Variants in GRB10 observed in about 807,000 individuals in gnomAD.
The protein encoded by GRB10 is growth factor receptor-bound protein 10.
Under a neutral mutation model 80.9 loss-of-function variants are expected in GRB10, and 20 were observed. The ratio of observed to expected loss-of-function variants is 0.25; its 90% CI spans 0.17 to 0.36. The LOEUF is 0.36. Among genes scored for constraint, GRB10 ranks in the 10% least tolerant of loss-of-function variants. GRB10 has a pLI of 1.00. For missense variants in GRB10, 548 were observed against 747.7 expected (o/e 0.73, Z 3.12); for synonymous variants, 291 against 291.5 (o/e 1.00, Z 0.02).
chr7:50,787,033 G>A (rs1392949115), upstream of GRB10, among the ~76,000 whole-genome samples: 4 of 152,206 alleles, frequency 2.6e-5, no homozygotes, highest in Admixed American at 1.3e-4. Flanking sequence ...ACAACTCCAG[G>A]AGAAAACAAA....
chr7:50,732,145 C>T (rs2069878617), intron 4 of GRB10, 127 bp downstream of exon 4: 1 of 929,008 alleles, frequency 1.1e-6, no homozygotes, highest in Admixed American at 1.7e-5. Context: ...TTGTCACCAG[C>T]CCCTGCTCCA....
chr7:50,663,028 G>A (rs1469863636), intron 7 of GRB10, among the ~76,000 whole-genome samples: 1 of 152,180 alleles, frequency 6.6e-6, no homozygotes, highest in Non-Finnish European at 1.5e-5. Flanking sequence ...GTTATCCCTT[G>A]ACTTAAAACA....
At chr7:50,699,055 CTTTTTA>C (rs752598864) in intron 5 of GRB10, among the ~76,000 whole-genome samples, 4 of 152,090 alleles carry the variant, frequency 2.6e-5, no homozygotes, top group Non-Finnish European at 5.9e-5. Flanking sequence ...AGTGGGATTT[CTTTTTA>C]TATTACATTT....
chr7:50,700,431 TG>T (rs2064020646), intron 5 of GRB10, among the ~76,000 whole-genome samples: 1 of 152,232 alleles, frequency 6.6e-6, no homozygotes, highest in South Asian at 2.1e-4. Flanking sequence ...CCTGAGTGTC[TG>T]TGCTACAGGT....
intron 6 of GRB10, 92 bp from the exon 7 acceptor site, chr7:50,669,955 C>T (rs1169649537): frequency 9.5e-6 from 14 of 1,478,642 alleles, no homozygotes; most frequent in African/African-American, 1.4e-5. Context: ...AAGCAGGACA[C>T]AGGGCTTCTA....
chr7:50,689,714 T>A (rs1008089893), intron 5 of GRB10, among the ~76,000 whole-genome samples: 1 of 152,016 alleles, frequency 6.6e-6, no homozygotes, highest in Non-Finnish European at 1.5e-5. Context: ...TAATTCATAG[T>A]GGGGAATATA....
intron 7 of GRB10, among the ~76,000 whole-genome samples, chr7:50,661,490 G>C (rs538024037): frequency 6.6e-6 from 1 of 152,174 alleles, no homozygotes. Context: ...GGAAAGTGTG[G>C]CCTGTCAAAG....
intron 1 of GRB10, among the ~76,000 whole-genome samples, chr7:50,791,677 T>C (rs2078921192): frequency 6.6e-6 from 1 of 152,248 alleles, no homozygotes; most frequent in Non-Finnish European, 1.5e-5. Flanking sequence ...GAGCAATGCC[T>C]GCTGGGCGTG....
In GRB10 at chr7:50,712,139, C is replaced by A. The variant is rs145800360; in HGVS notation, c.52-8231G>T. Among the ~76,000 whole-genome samples, 65 of 152,228 alleles carry A rather than the reference C, an allele frequency of 4.3e-4. No individual in the cohort carries two copies. The East Asian group carries it at 0.01, about 23-fold the overall frequency. On this transcript the variant is annotated intron_variant, in intron 4 of 18. Transcript: ENST00000401949. ...ACATTAGTGAACTTGGTAAAAGCTGCAGTATCAGCACTCCTATTCTGCCAG... is the reference window on the plus strand; with the variant it reads ...ACATTAGTGAACTTGGTAAAAGCTGAAGTATCAGCACTCCTATTCTGCCAG...
chr7:50,638,892 G>A (rs905316826), intron 7 of GRB10, among the ~76,000 whole-genome samples: 18 of 152,178 alleles, frequency 1.2e-4, no homozygotes, highest in African/African-American at 4.3e-4. Context: ...ATACACCACA[G>A]AATAGTATGT....
chr7:50,793,291 C>G (rs1381294900), exon 1 of GRB10: 1 of 145,602 alleles, frequency 6.9e-6, no homozygotes, highest in Non-Finnish European at 1.5e-5. Context: ...CGGCGGCGGG[C>G]GCGGGTCCCC....
At chr7:50,630,625 C>G (rs2153596334) in intron 7 of GRB10, among the ~76,000 whole-genome samples, 1 of 152,294 alleles carries the variant, frequency 6.6e-6, no homozygotes, top group East Asian at 1.9e-4. Flanking sequence ...TAAGATGCAG[C>G]AGGAACAATT....
intron 6 of GRB10, among the ~76,000 whole-genome samples, chr7:50,670,627 C>T (rs1452636282): frequency 2.6e-5 from 4 of 151,922 alleles, no homozygotes; most frequent in African/African-American, 9.7e-5. Flanking sequence ...ATACCTCATC[C>T]GTTTGATCAG....
chr7:50,627,276 G>C (rs912375678), intron 7 of GRB10, among the ~76,000 whole-genome samples: 1 of 152,172 alleles, frequency 6.6e-6, no homozygotes, highest in African/African-American at 2.4e-5. Context: ...CCTGTCTTAA[G>C]AAGTGACAGG....
intron 4 of GRB10, among the ~76,000 whole-genome samples, chr7:50,719,427 G>T (rs1428674285): frequency 2.0e-5 from 3 of 149,208 alleles, no homozygotes; most frequent in Admixed American, 6.9e-5. Flanking sequence ...CACAGGAACA[G>T]AAAACCAAAC....
chr7:50,601,541 C>T (rs998073771), intron 17 of GRB10, among the ~76,000 whole-genome samples: 2 of 152,054 alleles, frequency 1.3e-5, no homozygotes, highest in African/African-American at 2.4e-5. Flanking sequence ...GTAAAGAAAT[C>T]GCAATTCAGG....
At chr7:50,606,440 C>T (rs745372641) in intron 13 of GRB10, 26 bp from the exon 14 acceptor site, 2 of 1,591,988 alleles carry the variant, frequency 1.3e-6, no homozygotes, top group Admixed American at 3.3e-5. Context: ...CACAGTTAGT[C>T]ACCGGCCCGG....
At chr7:50,632,699 C>T (rs1210097791) in intron 7 of GRB10, among the ~76,000 whole-genome samples, 1 of 152,130 alleles carries the variant, frequency 6.6e-6, no homozygotes, top group Non-Finnish European at 1.5e-5. Context: ...GGGCTGGATG[C>T]TGGAGGGAGA....
At chr7:50,643,953 G>A (rs751794157) in intron 7 of GRB10, among the ~76,000 whole-genome samples, 8 of 152,104 alleles carry the variant, frequency 5.3e-5, no homozygotes, top group Non-Finnish European at 1.2e-4. Context: ...AGAAACATAC[G>A]TGCGTGAAAA....
Sources: allele counts gnomAD v4.1 joint callset (sites outside exome capture counted in the v4.1 genomes callset), GRCh38; gene constraint gnomAD v4.1.1; transcripts MANE v1.5; gene names NCBI Gene and HGNC (gene_info 2026-07-23, HGNC 2026-07-21).